Variants in ARHGEF11 observed in about 807,000 individuals in gnomAD.
The protein encoded by ARHGEF11 is Rho guanine exchange factor (GEF) 11.
ARHGEF11 carries 55 observed loss-of-function variants against 193.7 expected under a neutral mutation model. The ratio of observed to expected loss-of-function variants is 0.28; its 90% CI spans 0.23 to 0.36. The LOEUF is 0.36. ARHGEF11 is among the 10% of genes least tolerant of loss of function. The pLI is 1.00. For synonymous variants in ARHGEF11, 693 were observed against 768.0 expected (o/e 0.90, Z 1.62); for missense variants, 1,723 against 2,005.6 (o/e 0.86, Z 2.69).
chr1:156,983,074 C>G (rs1028650837), intron 3 of ARHGEF11, among the ~76,000 whole-genome samples: 1 of 152,180 alleles, frequency 6.6e-6, no homozygotes, highest in African/African-American at 2.4e-5. Context: ...GCTCCCAATC[C>G]CTTCCTTGTG....
At chr1:156,988,428 G>A (rs1433192869) in intron 1 of ARHGEF11, among the ~76,000 whole-genome samples, 1 of 152,138 alleles carries the variant, frequency 6.6e-6, no homozygotes, top group Non-Finnish European at 1.5e-5. Flanking sequence ...GGCTATCCAC[G>A]CTGGGCTTGA....
upstream of ARHGEF11, among the ~76,000 whole-genome samples, chr1:157,046,436 C>G (rs1434756058): frequency 1.6e-5 from 1 of 61,136 alleles, no homozygotes; most frequent in Non-Finnish European, 3.9e-5. Flanking sequence ...CCCGCAGCTG[C>G]GGCTCACCCT....
intron 40 of ARHGEF11, chr1:156,936,311 C>T (rs1334826260): frequency 6.1e-6 from 4 of 658,452 alleles, no homozygotes; most frequent in Non-Finnish European, 1.2e-5. Flanking sequence ...CCCTGGCCCA[C>T]CCAGTGTGGT....
At chr1:157,031,456 G>A (rs1671296444) in intron 1 of ARHGEF11, among the ~76,000 whole-genome samples, 1 of 152,146 alleles carries the variant, frequency 6.6e-6, no homozygotes, top group Admixed American at 6.5e-5. Context: ...ATGATCCTAA[G>A]GCCTGAAGTG....
chr1:156,965,842 C>A (rs973813462), intron 11 of ARHGEF11, among the ~76,000 whole-genome samples: 1 of 152,208 alleles, frequency 6.6e-6, no homozygotes, highest in African/African-American at 2.4e-5. Context: ...ACAGATCACA[C>A]TGTGAAACTT....
chr1:157,035,742 T>C (rs572238070), intron 1 of ARHGEF11, among the ~76,000 whole-genome samples: 1 of 145,450 alleles, frequency 6.9e-6, no homozygotes, highest in African/African-American at 2.6e-5. Context: ...GCCCCAGAGT[T>C]TGGGTGGCTA....
chr1:156,965,971 GCTA>G (rs1661623221), intron 11 of ARHGEF11, among the ~76,000 whole-genome samples: 1 of 152,150 alleles, frequency 6.6e-6, no homozygotes, highest in African/African-American at 2.4e-5. Flanking sequence ...TATGAAGGTG[GCTA>G]CTATGTGCCA....
At chr1:156,952,859 C>CCAG (rs1659325887) in intron 21 of ARHGEF11, among the ~76,000 whole-genome samples, 1 of 152,236 alleles carries the variant, frequency 6.6e-6, no homozygotes, top group Admixed American at 6.5e-5. Context: ...CCTGAACGTG[C>CCAG]ATCTGGGCCT....
At chr1:156,945,788 C>T in intron 29 of ARHGEF11, 1 of 407,812 alleles carries the variant, frequency 2.5e-6, no homozygotes, top group East Asian at 4.4e-5. Context: ...GCACCGGATG[C>T]TTTCCTTGGA....
Position 156,986,182 on chromosome 1 carries a change from G to T in ARHGEF11, c.33-9C>A. ...AAGACAGGCTACTTAACCTGGAGAA[G>T]GAGTAAGGAAAGCATGTCAATGAGC... On this transcript the variant is annotated splice_polypyrimidine_tract_variant and intron_variant, in intron 1 of 40. Coordinates refer to ENST00000368194, the MANE Select transcript of ARHGEF11 (RefSeq NM_198236.3). 1 of 1,611,346 alleles carries T rather than the reference G, an allele frequency of 6.2e-7. No individual in the cohort carries two copies. The highest frequency in any genetic ancestry group is 8.5e-7 in the Non-Finnish European group (1 of 1,177,786).
At chr1:157,003,970 A>T (rs1458019552) in intron 1 of ARHGEF11, among the ~76,000 whole-genome samples, 1 of 152,206 alleles carries the variant, frequency 6.6e-6, no homozygotes, top group Admixed American at 6.5e-5. Flanking sequence ...CACCATGGGA[A>T]AAGGGGGGCT....
At chr1:157,015,559 T>C (rs1197024875) in intron 1 of ARHGEF11, among the ~76,000 whole-genome samples, 1 of 152,244 alleles carries the variant, frequency 6.6e-6, no homozygotes, top group Non-Finnish European at 1.5e-5. Context: ...ATCTATTTAA[T>C]GGTCTTTGAG....
At chr1:156,956,598 G>A (rs1291865565) in intron 18 of ARHGEF11, 34 bp from the exon 19 acceptor site, 6 of 1,612,474 alleles carry the variant, frequency 3.7e-6, no homozygotes, top group Non-Finnish European at 5.1e-6. Context: ...GAATCAGAGA[G>A]CTCAAGTTAT....
rs1203811309 is a variant in ARHGEF11, at chr1:156,994,390, G to GTTT, written c.33-8218_33-8217insAAA. Among the ~76,000 whole-genome samples the GTTT allele has an allele frequency of 2.0e-4, 5 of 25,442 alleles. No homozygotes were observed. In the Admixed American group the frequency reaches 2.1e-3, roughly 11 times the overall value. The allele number at this position is 25,442 out of a possible 152,430, so 16.7% of individuals were successfully genotyped here. The stretch of plus-strand genomic sequence containing the variant: ...AGCCCTCTGCAAATGGTTTTATTGT[G>GTTT]TGTTTTTTTTTTTTTTCAGGTGTAC... On this transcript the variant is annotated intron_variant, in intron 1 of 40. Transcript: ENST00000368194.
At chr1:156,938,659 C>T (rs533011808) in intron 37 of ARHGEF11, 146 bp from the exon 38 acceptor site, 4 of 641,936 alleles carry the variant, frequency 6.2e-6, no homozygotes, top group Admixed American at 2.8e-5. Flanking sequence ...AGATCATACA[C>T]GATGACATCC....
chr1:156,940,071 T>C (rs1031901920), intron 36 of ARHGEF11, 136 bp downstream of exon 36: 2 of 1,402,424 alleles, frequency 1.4e-6, no homozygotes, highest in Non-Finnish European at 1.9e-6. Flanking sequence ...GGGAATGACA[T>C]CTGTCTCCGC....
intron 1 of ARHGEF11, among the ~76,000 whole-genome samples, chr1:157,017,605 G>A (rs548260880): frequency 2.3e-3 from 349 of 150,770 alleles, no homozygotes; most frequent in Non-Finnish European, 3.8e-3. Context: ...TACTTGGGAG[G>A]CTCAGGCAGG....
rs192645733 is a variant in ARHGEF11 at position 156,948,295 on chromosome 1, T to C, written c.2105+24A>G. ...CCGCCACCCCTGAGATGTCCATGGG[T>C]GCAGCCGTTGTAGCCCTGCCCACCT... On this transcript the variant is annotated intron_variant, in intron 23 of 40. Transcript: ENST00000368194. This position sits in a 1 kb window ranked among gnomAD's most constrained non-coding sequence, Gnocchi z 4.2. 7.1e-3 allele frequency: 11,471 copies of C among 1,612,334 alleles called. 59 individuals carry two copies. Among genetic ancestry groups the C allele is most frequent in the Middle Eastern group, 0.015 (88 of 6,052 alleles).
chr1:156,957,916 G>C, intron 17 of ARHGEF11, 101 bp from the exon 18 acceptor site: 1 of 1,070,748 alleles, frequency 9.3e-7, no homozygotes, highest in South Asian at 1.3e-5. Context: ...GATGAAAGGA[G>C]GGTTAGTGGG....
Sources: allele counts gnomAD v4.1 joint callset (sites outside exome capture counted in the v4.1 genomes callset), GRCh38; gene constraint gnomAD v4.1.1; non-coding constraint Gnocchi (gnomAD v3.1); transcripts MANE v1.5; gene names NCBI Gene and HGNC (gene_info 2026-07-23, HGNC 2026-07-21).